STXBP5L: variants seen among roughly 807,000 people sequenced by gnomAD.
The protein encoded by STXBP5L is syntaxin-binding protein 5-like.
STXBP5L carries 65 observed loss-of-function variants against 144.5 expected under a neutral mutation model. That is an observed-to-expected ratio of 0.45 (90% confidence interval 0.37 to 0.55). The LOEUF (loss-of-function observed/expected upper bound fraction) is 0.55. Ranked by LOEUF, STXBP5L falls within the 20% of genes least tolerant of loss-of-function variation. The pLI, the probability that STXBP5L is intolerant of heterozygous loss-of-function variation, is 0.00. For synonymous variants in STXBP5L, 505 were observed against 469.6 expected (o/e 1.08, Z -0.97); for missense variants, 1,298 against 1,405.5 (o/e 0.92, Z 1.22).
intron 3 of STXBP5L, among the ~76,000 whole-genome samples, chr3:120,970,055 A>G (rs560619221): frequency 5.6e-4 from 85 of 152,252 alleles, no homozygotes; most frequent in Middle Eastern, 3.4e-3. Flanking sequence ...GAAAAGTATT[A>G]TAAGAAAACC....
At chr3:121,029,412 C>T (rs1013809322) in intron 3 of STXBP5L, among the ~76,000 whole-genome samples, 1 of 151,976 alleles carries the variant, frequency 6.6e-6, no homozygotes, top group Non-Finnish European at 1.5e-5. Flanking sequence ...ACAAACCTGA[C>T]AAAAACAAGA....
At chr3:121,292,429 A>G (rs2051476269) in intron 19 of STXBP5L, among the ~76,000 whole-genome samples, 1 of 152,256 alleles carries the variant, frequency 6.6e-6, no homozygotes, top group Non-Finnish European at 1.5e-5. Context: ...GAACCCTTTT[A>G]CACTGCTGGT....
At position 121,381,297 on chromosome 3, in the gene STXBP5L, C is replaced by T. The variant is rs372782672; in HGVS notation, c.2352C>T (p.Asn784=). 3.8e-6 allele frequency: 6 copies of T among 1,578,974 alleles called. No individual in the cohort carries two copies. Among genetic ancestry groups the T allele is most frequent in the Non-Finnish European group, 5.1e-6 (6 of 1,169,520 alleles). ...TTTTTTTATTTATTTCCATAGAAAA[C>T]CGAGAAAATTCCTATAATCGTTCTA... ...EISLPVTTEE[N]RENSYNRSRS... is the part of the protein sequence containing the mutation. Residue 784 remains asparagine, a synonymous_variant, in exon 22 of 27, where the codon AAC becomes AAT. Coordinates refer to ENST00000471454, the MANE Select transcript of STXBP5L (RefSeq NM_001308330.2).
At chr3:121,201,100 A>C (rs1415354516) in intron 9 of STXBP5L, among the ~76,000 whole-genome samples, 1 of 152,250 alleles carries the variant, frequency 6.6e-6, no homozygotes, top group Middle Eastern at 3.4e-3. Flanking sequence ...TTCTCCCACT[A>C]TTGCTATGCA....
intron 18 of STXBP5L, among the ~76,000 whole-genome samples, chr3:121,261,796 C>T (rs2050390280): frequency 1.3e-5 from 2 of 152,126 alleles, no homozygotes; most frequent in African/African-American, 4.8e-5. Context: ...CAAATATGCT[C>T]TATGGTGAAA....
intron 3 of STXBP5L, among the ~76,000 whole-genome samples, chr3:120,991,623 C>T (rs937370226): frequency 7.9e-5 from 12 of 152,168 alleles, no homozygotes; most frequent in Middle Eastern, 3.2e-3. Context: ...AAATGTGGCA[C>T]ATATACACCA....
At chr3:120,963,276 T>G (rs1939097073) in intron 3 of STXBP5L, among the ~76,000 whole-genome samples, 1 of 152,156 alleles carries the variant, frequency 6.6e-6, no homozygotes, top group Non-Finnish European at 1.5e-5. Flanking sequence ...TTTCTTTCTC[T>G]TGTTTGATTG....
chr3:121,262,043 G>A (rs2050399175), intron 18 of STXBP5L, among the ~76,000 whole-genome samples: 3 of 152,068 alleles, frequency 2.0e-5, no homozygotes, highest in African/African-American at 7.2e-5. Flanking sequence ...CAGAAGGAGT[G>A]AACAAACTCC....
chr3:121,296,208 A>G (rs112506153), intron 19 of STXBP5L, among the ~76,000 whole-genome samples: 2,938 of 152,330 alleles, frequency 0.019, 88 homozygotes, highest in African/African-American at 0.066. Flanking sequence ...CTTTATCCAC[A>G]TAAAATCTTG....
intron 7 of STXBP5L, among the ~76,000 whole-genome samples, chr3:121,150,789 A>T (rs1180009111): frequency 1.3e-5 from 2 of 152,120 alleles, no homozygotes; most frequent in African/African-American, 4.8e-5. Flanking sequence ...CATACACTCA[A>T]TAAAGTTGGT....
At chr3:120,988,207 G>C (rs903328011) in intron 3 of STXBP5L, among the ~76,000 whole-genome samples, 36 of 148,966 alleles carry the variant, frequency 2.4e-4, no homozygotes, top group African/African-American at 8.9e-4. Context: ...TTAGATTATT[G>C]GTACTCTGAT....
At chr3:121,003,378 G>C (rs548630387) in intron 3 of STXBP5L, among the ~76,000 whole-genome samples, 96 of 152,188 alleles carry the variant, frequency 6.3e-4, no homozygotes, top group Non-Finnish European at 4.1e-4. Context: ...CTGTTCATAT[G>C]CTTTGCTCAC....
At chr3:121,193,839 G>C (rs1022089080) in intron 9 of STXBP5L, among the ~76,000 whole-genome samples, 2 of 152,044 alleles carry the variant, frequency 1.3e-5, no homozygotes, top group Non-Finnish European at 2.9e-5. Flanking sequence ...AGGGGTCAGG[G>C]GGAGGGATAG....
intron 14 of STXBP5L, among the ~76,000 whole-genome samples, chr3:121,242,953 G>T (rs1205964318): frequency 6.6e-6 from 1 of 152,144 alleles, no homozygotes; most frequent in Non-Finnish European, 1.5e-5. Flanking sequence ...CCCCAGACAA[G>T]CTCAAAGCCA....
intron 17 of STXBP5L, among the ~76,000 whole-genome samples, chr3:121,258,436 C>T (rs951221440): frequency 1.3e-5 from 2 of 152,152 alleles, no homozygotes; most frequent in Non-Finnish European, 2.9e-5. Context: ...TGATTGTCCT[C>T]TCAAAATTTT....
chr3:120,967,134 C>T (rs764071594), intron 3 of STXBP5L, among the ~76,000 whole-genome samples: 2 of 151,994 alleles, frequency 1.3e-5, no homozygotes, highest in South Asian at 2.1e-4. Context: ...CCTTGTCTGC[C>T]GGTTTTTAAG....
At chr3:121,086,143 C>T (rs1471649431) in intron 5 of STXBP5L, among the ~76,000 whole-genome samples, 3 of 152,122 alleles carry the variant, frequency 2.0e-5, no homozygotes, top group Non-Finnish European at 2.9e-5. Flanking sequence ...CTTCCTTATA[C>T]CTTATAGAAA....
intron 20 of STXBP5L, among the ~76,000 whole-genome samples, chr3:121,377,569 A>G (rs554541504): frequency 1.1e-4 from 16 of 152,372 alleles, no homozygotes; most frequent in Non-Finnish European, 2.1e-4. Flanking sequence ...AACATATGAA[A>G]AAAGCTCATC....
intron 18 of STXBP5L, among the ~76,000 whole-genome samples, chr3:121,262,129 A>C (rs1436578204): frequency 6.6e-6 from 1 of 152,144 alleles, no homozygotes; most frequent in Admixed American, 6.5e-5. Context: ...CACCTTCCCA[A>C]GGCCCCAACT....
Sources: allele counts gnomAD v4.1 joint callset (sites outside exome capture counted in the v4.1 genomes callset), GRCh38; gene constraint gnomAD v4.1.1; transcripts MANE v1.5; gene names NCBI Gene and HGNC (gene_info 2026-07-23, HGNC 2026-07-21).